The following PDLIM5 variants were observed in gnomAD, a reference collection of about 807,000 sequenced individuals.
PDLIM5 encodes PDZ and LIM domain protein 5.
A neutral mutation model predicts 64.2 loss-of-function variants in PDLIM5; 34 were observed. The observed-to-expected ratio is 0.53, with a 90% confidence interval of 0.40 to 0.71. PDLIM5 has a LOEUF of 0.71. PDLIM5 is among the 30% of genes least tolerant of loss of function. The pLI is 0.00. For missense variants in PDLIM5, 683 were observed against 733.6 expected (o/e 0.93, Z 0.80); for synonymous variants, 253 against 269.1 (o/e 0.94, Z 0.59).
chr4:94,536,430 A>G (rs867790155), intron 3 of PDLIM5, among the ~76,000 whole-genome samples: 5 of 152,214 alleles, frequency 3.3e-5, no homozygotes, highest in South Asian at 2.1e-4. Context: ...AGTACTCAAT[A>G]TTTCCTGGAT....
intron 9 of PDLIM5, among the ~76,000 whole-genome samples, chr4:94,651,475 A>G (rs1741839380): frequency 6.6e-6 from 1 of 152,212 alleles, no homozygotes; most frequent in African/African-American, 2.4e-5. Flanking sequence ...AAGTTTGTAA[A>G]AAGACTTTTA....
intron 11 of PDLIM5, among the ~76,000 whole-genome samples, chr4:94,661,891 G>C (rs12331920): frequency 0.23 from 34,917 of 151,040 alleles, 4,394 homozygotes; most frequent in African/African-American, 0.33. Context: ...CGCGATCTCA[G>C]CTCACTGAAA....
At chr4:94,485,840 A>T (rs1174416067) in intron 2 of PDLIM5, among the ~76,000 whole-genome samples, 1 of 128,754 alleles carries the variant, frequency 7.8e-6, no homozygotes, top group African/African-American at 3.1e-5. Flanking sequence ...ACAGAGTGAG[A>T]CTCCGTCTCA....
At chr4:94,508,437 A>T (rs146491514) in intron 2 of PDLIM5, among the ~76,000 whole-genome samples, 186 of 152,344 alleles carry the variant, frequency 1.2e-3, no homozygotes, top group African/African-American at 4.1e-3. Context: ...GGAGGTCAGA[A>T]ACTTGGCTCC....
intron 7 of PDLIM5, among the ~76,000 whole-genome samples, chr4:94,594,563 T>C (rs1355349416): frequency 6.6e-6 from 1 of 152,074 alleles, no homozygotes; most frequent in East Asian, 1.9e-4. Flanking sequence ...TGGGAGACCA[T>C]AGAAAATTTT....
intron 2 of PDLIM5, among the ~76,000 whole-genome samples, chr4:94,507,245 A>G (rs1728472528): frequency 6.6e-6 from 1 of 151,968 alleles, no homozygotes; most frequent in Admixed American, 6.6e-5. Flanking sequence ...ATATATATAT[A>G]TCTCCTGTTG....
At chr4:94,455,150 A>G (rs765680117) in intron 1 of PDLIM5, 97 bp from the exon 2 acceptor site, 5 of 585,568 alleles carry the variant, frequency 8.5e-6, no homozygotes, top group South Asian at 2.4e-5. Context: ...CTTATCTTCT[A>G]TATCCTCTCA....
At chr4:94,454,584 A>G (rs1056744912) in intron 1 of PDLIM5, among the ~76,000 whole-genome samples, 7 of 152,226 alleles carry the variant, frequency 4.6e-5, no homozygotes, top group African/African-American at 9.6e-5. Flanking sequence ...GACTAACATC[A>G]CTGTACTAGA....
At chr4:94,602,985 A>G (rs142573258) in intron 7 of PDLIM5, among the ~76,000 whole-genome samples, 88 of 152,354 alleles carry the variant, frequency 5.8e-4, no homozygotes, top group African/African-American at 1.8e-3. Context: ...AAGTTAAAAA[A>G]TGAAGTAAAA....
chr4:94,575,841 C>G lies in PDLIM5; in HGVS notation c.517C>G (p.Leu173Val). The change falls in exon 5 of 13, where the codon CTG becomes GTG. Residue 173 changes from leucine (L) to valine (V), a missense_variant. Transcript: ENST00000317968. ...PSPVAAVTPP[L>V]FAASGLHANA... is the part of the protein sequence containing the mutation. ...ACCCGTGGCTGCCGTCACTCCTCCC[C>G]TGTTCGCTGCATCTGGACTGCATGC... The G allele has an allele frequency of 6.2e-7, 1 of 1,614,212 alleles. No homozygotes were observed. Among genetic ancestry groups the G allele is most frequent in the Non-Finnish European group, 8.5e-7 (1 of 1,180,034 alleles).
At chr4:94,493,847 C>T (rs1477630842) in intron 2 of PDLIM5, among the ~76,000 whole-genome samples, 1 of 152,164 alleles carries the variant, frequency 6.6e-6, no homozygotes, top group Non-Finnish European at 1.5e-5. Context: ...AATCTGCCTT[C>T]TCACTGTATA....
chr4:94,479,419 C>G (rs1725654317), intron 2 of PDLIM5, among the ~76,000 whole-genome samples: 1 of 151,338 alleles, frequency 6.6e-6, no homozygotes, highest in African/African-American at 2.4e-5. Flanking sequence ...CTTGACCTTC[C>G]AGGGCTCAAG....
At chr4:94,496,075 A>C (rs1727366702) in intron 2 of PDLIM5, among the ~76,000 whole-genome samples, 2 of 152,054 alleles carry the variant, frequency 1.3e-5, no homozygotes. Context: ...AAAACCAAAA[A>C]ACAAGGTTTG....
intron 2 of PDLIM5, among the ~76,000 whole-genome samples, chr4:94,474,439 C>T (rs757562486): frequency 2.0e-5 from 3 of 151,710 alleles, no homozygotes; most frequent in African/African-American, 4.8e-5. Flanking sequence ...TTAGTAGAGA[C>T]GGGGTTTCAC....
intron 8 of PDLIM5, among the ~76,000 whole-genome samples, chr4:94,630,677 G>GTATC (rs1301138587): frequency 6.6e-6 from 1 of 152,044 alleles, no homozygotes; most frequent in African/African-American, 2.4e-5. Context: ...GCCCGGCCTA[G>GTATC]TATCCATTGA....
chr4:94,623,724 C>T (rs1317585936), intron 8 of PDLIM5, among the ~76,000 whole-genome samples: 1 of 151,994 alleles, frequency 6.6e-6, no homozygotes, highest in Non-Finnish European at 1.5e-5. Context: ...GGACATCATA[C>T]GATCTGAAGG....
At chr4:94,611,185 A>G (rs900549572) in intron 7 of PDLIM5, 16 of 1,535,018 alleles carry the variant, frequency 1.0e-5, no homozygotes, top group Non-Finnish European at 1.3e-5. Context: ...GGCTCTATCC[A>G]TGTTAAGAAA....
chr4:94,545,596 G>A (rs1732241378), intron 3 of PDLIM5, among the ~76,000 whole-genome samples: 1 of 152,186 alleles, frequency 6.6e-6, no homozygotes, highest in African/African-American at 2.4e-5. Flanking sequence ...CTTAAGGTTG[G>A]AGGTCACTGT....
intron 8 of PDLIM5, among the ~76,000 whole-genome samples, chr4:94,628,399 T>C (rs1281847166): frequency 1.3e-5 from 2 of 152,202 alleles, no homozygotes; most frequent in Non-Finnish European, 2.9e-5. Context: ...TTGAGAGATA[T>C]CTTAGAGAAT....
Sources: gnomAD v4.1 joint callset for allele counts (sites outside exome capture counted in the v4.1 genomes callset) on GRCh38, gnomAD v4.1.1 for gene constraint, MANE v1.5 for transcripts, NCBI Gene and HGNC (gene_info 2026-07-23, HGNC 2026-07-21) for gene names.